The following LINC00632 variants were observed in gnomAD, a reference collection of about 807,000 sequenced individuals.
The protein encoded by LINC00632 is long independently transcribed non-coding RNA 632, also known as ALDOA related specific transcript.
chrX:140,734,671 TTAG>T (rs201364610), intron 3 of LINC00632, among the ~76,000 whole-genome samples: 1,444 of 110,969 alleles, frequency 0.013, 22 homozygotes, highest in African/African-American at 0.044. Flanking sequence ...CATAAATTTA[TTAG>T]TAGTACACAA....
intron 2 of LINC00632, chrX:140,713,939 C>G: frequency 3.8e-6 from 1 of 264,406 alleles, no homozygotes; most frequent in Non-Finnish European, 7.1e-6. Flanking sequence ...TACAGACTTA[C>G]CCCATAGAAC....
At chrX:140,784,421 G>A (rs190798158) in exon 5 of LINC00632, 281 of 1,165,861 alleles carry the variant, frequency 2.4e-4, no homozygotes, top group Middle Eastern at 1.4e-3. Context: ...ACTAAGCTAC[G>A]TCTTCCAACA....
In LINC00632 at chrX:140,717,484, C is replaced by T. The variant is rs190931579; in HGVS notation, n.104+5828C>T. ...ACACAAAACCATCCCAACTGCACAGCGTCATATCACAACAGACACACACAC... is the reference window on the plus strand; with the variant it reads ...ACACAAAACCATCCCAACTGCACAGTGTCATATCACAACAGACACACACAC... On this transcript the variant is annotated intron_variant and non_coding_transcript_variant, in intron 2 of 4. Coordinates refer to ENST00000648200, the Ensembl canonical transcript of LINC00632. Among the ~76,000 whole-genome samples, 16 of 110,625 alleles carry T rather than the reference C, an allele frequency of 1.4e-4. No individual in the cohort carries two copies. In the East Asian group the frequency reaches 4.0e-3, roughly 28 times the overall value.
intron 3 of LINC00632, among the ~76,000 whole-genome samples, chrX:140,752,852 C>A (rs1013716354): frequency 9.0e-6 from 1 of 111,233 alleles, no homozygotes; most frequent in African/African-American, 3.3e-5. Flanking sequence ...TGAGTTAATT[C>A]GGCCCTTTAG....
chrX:140,723,744 C>G (rs1319087822), intron 2 of LINC00632, among the ~76,000 whole-genome samples: 1 of 8,169 alleles, frequency 1.2e-4, no homozygotes, highest in Non-Finnish European at 2.5e-4. Flanking sequence ...CACACACACA[C>G]ATTCCATACA....
At chrX:140,712,311 C>T (rs948214347) in intron 2 of LINC00632, 1 of 107,522 alleles carries the variant, frequency 9.3e-6, no homozygotes, top group Non-Finnish European at 1.9e-5. Flanking sequence ...TATGAAACCA[C>T]GGTTTCAGGT....
intron 3 of LINC00632, among the ~76,000 whole-genome samples, chrX:140,763,245 A>C (rs1931630738): frequency 9.1e-6 from 1 of 110,461 alleles, no homozygotes; most frequent in African/African-American, 3.3e-5. Flanking sequence ...AAACAAAAAA[A>C]TACAAATATT....
chrX:140,723,573 TACAC>T (rs201755954), intron 2 of LINC00632, among the ~76,000 whole-genome samples: 16 of 13,307 alleles, frequency 1.2e-3, no homozygotes, highest in South Asian at 0.014. Flanking sequence ...ACACATTCCA[TACAC>T]ACACACACAT....
chrX:140,781,501 C>A (rs1931932379), exon 5 of LINC00632, among the ~76,000 whole-genome samples: 1 of 111,415 alleles, frequency 9.0e-6, no homozygotes. Flanking sequence ...CCTGTTTGGG[C>A]AATTGTCCAA....
exon 5 of LINC00632, among the ~76,000 whole-genome samples, chrX:140,788,377 T>A (rs1237932844): frequency 9.1e-6 from 1 of 110,463 alleles, no homozygotes; most frequent in Non-Finnish European, 1.9e-5. Context: ...CTTGCATGAA[T>A]CAATGAGACA....
intron 3 of LINC00632, among the ~76,000 whole-genome samples, chrX:140,760,643 C>A (rs927778215): frequency 9.0e-6 from 1 of 111,296 alleles, no homozygotes; most frequent in African/African-American, 3.3e-5. Flanking sequence ...TGGTGGCATG[C>A]GCCTGTAATC....
intron 3 of LINC00632, among the ~76,000 whole-genome samples, chrX:140,738,264 G>A (rs918193816): frequency 2.7e-5 from 3 of 112,135 alleles, no homozygotes; most frequent in Non-Finnish European, 5.6e-5. Context: ...TTGAGCACCT[G>A]AAAGTGGATT....
At chrX:140,743,534 C>T (rs1300963032) in intron 3 of LINC00632, among the ~76,000 whole-genome samples, 4 of 109,810 alleles carry the variant, frequency 3.6e-5, no homozygotes, top group African/African-American at 6.6e-5. Flanking sequence ...TTTATATTAC[C>T]CAACATGAGT....
At chrX:140,713,555 G>A (rs1314202912) in intron 2 of LINC00632, 1 of 342,315 alleles carries the variant, frequency 2.9e-6, no homozygotes, top group East Asian at 9.7e-5. Context: ...ACTTGTGTCC[G>A]CAGTATACAA....
exon 5 of LINC00632, among the ~76,000 whole-genome samples, chrX:140,788,003 TC>T (rs749834272): frequency 1.4e-3 from 155 of 110,426 alleles, no homozygotes; most frequent in Middle Eastern, 4.9e-3. Context: ...AGATTTTACT[TC>T]TAGAATATTA....
chrX:140,750,495 A>G (rs920276781), intron 3 of LINC00632, among the ~76,000 whole-genome samples: 1 of 111,507 alleles, frequency 9.0e-6, no homozygotes, highest in African/African-American at 3.3e-5. Flanking sequence ...AATGTATTAC[A>G]TGTTAAAATG....
At chrX:140,742,872 AGAGAG>A (rs1931252090) in intron 3 of LINC00632, among the ~76,000 whole-genome samples, 4 of 93,523 alleles carry the variant, frequency 4.3e-5, no homozygotes, top group Admixed American at 2.3e-4. Flanking sequence ...AGAGAGAGAG[AGAGAG>A]AGGAAGGAAG....
At chrX:140,766,395 T>C (rs375118415) in intron 3 of LINC00632, among the ~76,000 whole-genome samples, 3 of 111,957 alleles carry the variant, frequency 2.7e-5, no homozygotes, top group Admixed American at 9.5e-5. Context: ...CATTGAACCA[T>C]AGAAAGAGAG....
intron 2 of LINC00632, among the ~76,000 whole-genome samples, chrX:140,717,764 A>G (rs1930659734): frequency 9.0e-6 from 1 of 111,376 alleles, no homozygotes; most frequent in African/African-American, 3.3e-5. Flanking sequence ...GGTTTCTTGA[A>G]CTCTCTGTGC....
Sources: gnomAD v4.1 joint callset for allele counts (sites outside exome capture counted in the v4.1 genomes callset) on GRCh38, gnomAD v4.1.1 for gene constraint, MANE v1.5 for transcripts, NCBI Gene and HGNC (gene_info 2026-07-23, HGNC 2026-07-21) for gene names.